FHIP1A: variants seen among roughly 807,000 people sequenced by gnomAD.
FHIP1A encodes the protein FHF complex subunit HOOK-interacting protein 1A.
Under a neutral mutation model 88.6 loss-of-function variants are expected in FHIP1A, and 61 were observed. The ratio of observed to expected loss-of-function variants is 0.69; its 90% confidence interval spans 0.56 to 0.85. The LOEUF (loss-of-function observed/expected upper bound fraction) is 0.85, where lower values mean the gene tolerates loss of function less well. Ranked by LOEUF, FHIP1A falls within the 40% of genes least tolerant of loss-of-function variation. FHIP1A has a pLI of 0.00. For synonymous variants in FHIP1A, 478 were observed against 496.0 expected, an observed-to-expected ratio of 0.96 and a Z score of 0.48; for missense variants, 1,154 against 1,273.5, an observed-to-expected ratio of 0.91 and a Z score of 1.43.
chr4:151,527,479 G>A (rs955951551), intron 3 of FHIP1A, among the ~76,000 whole-genome samples: 4 of 152,144 alleles, frequency 2.6e-5, no homozygotes. Context: ...CAGCAGTACC[G>A]TCCAGCTTCG....
chr4:151,561,134 G>C (rs920433854), intron 3 of FHIP1A, among the ~76,000 whole-genome samples: 1 of 152,138 alleles, frequency 6.6e-6, no homozygotes. Context: ...CTGTTTTGAA[G>C]CATGTATTTT....
At position 151,665,449 on chromosome 4, in the gene FHIP1A, G is replaced by A. The variant is rs182482766; in HGVS notation, c.*2695G>A. ...TCTGAATCCATTACAGTCCTCAGAG[G>A]TTTTTGTCCATGGTTTTGCAAAATG... On this transcript the variant is annotated 3_prime_UTR_variant, in exon 14 of 14. Coordinates refer to ENST00000435205, the MANE Select transcript of FHIP1A (RefSeq NM_001109977.3). Among the ~76,000 whole-genome samples the A allele has an allele frequency of 6.6e-6, 1 of 152,306 alleles. No individual in the cohort carries two copies. Among genetic ancestry groups the A allele is most frequent in the African/African-American group, 2.4e-5 (1 of 41,562 alleles).
At chr4:151,422,425 T>G (rs1201470728) in intron 1 of FHIP1A, among the ~76,000 whole-genome samples, 2 of 152,042 alleles carry the variant, frequency 1.3e-5, no homozygotes, top group East Asian at 3.9e-4. Flanking sequence ...CTTGCTCCAT[T>G]GTCCAGGCTG....
chr4:151,467,020 A>G (rs1729344066), intron 2 of FHIP1A, among the ~76,000 whole-genome samples: 1 of 152,258 alleles, frequency 6.6e-6, no homozygotes. Context: ...AGCAAAAGAA[A>G]CTAGCATCAG....
chr4:151,607,385 T>G (rs1735114972), intron 7 of FHIP1A, among the ~76,000 whole-genome samples: 1 of 152,224 alleles, frequency 6.6e-6, no homozygotes, highest in Non-Finnish European at 1.5e-5. Flanking sequence ...GAAAAAATCA[T>G]ATTAAGCAGG....
chr4:151,410,964 A>G (rs1490320329), intron 1 of FHIP1A, among the ~76,000 whole-genome samples: 1 of 152,318 alleles, frequency 6.6e-6, no homozygotes, highest in East Asian at 1.9e-4. Flanking sequence ...GTGGCTGGAA[A>G]GGGGCAGAGA....
At chr4:151,643,666 C>T (rs188878876) in intron 9 of FHIP1A, among the ~76,000 whole-genome samples, 43 of 152,254 alleles carry the variant, frequency 2.8e-4, no homozygotes, top group African/African-American at 1.0e-3. Flanking sequence ...GTAGCTCCCG[C>T]GTATGAGTGA....
chr4:151,506,534 C>T (rs7682837), intron 3 of FHIP1A, among the ~76,000 whole-genome samples: 76,704 of 151,800 alleles, frequency 0.51, 19,643 homozygotes, highest in Non-Finnish European at 0.55. Context: ...CTACTCATTG[C>T]GGAAGGTGAA....
intron 3 of FHIP1A, among the ~76,000 whole-genome samples, chr4:151,537,882 A>G (rs894683962): frequency 6.6e-6 from 1 of 152,168 alleles, no homozygotes; most frequent in African/African-American, 2.4e-5. Flanking sequence ...GAAATGTTGC[A>G]ATCCTGCTTC....
intron 3 of FHIP1A, among the ~76,000 whole-genome samples, chr4:151,558,669 C>T (rs1733052210): frequency 6.6e-6 from 1 of 152,196 alleles, no homozygotes; most frequent in Admixed American, 6.6e-5. Flanking sequence ...TAGTGAGCTA[C>T]ATTTACTTTG....
rs192416631 is a variant in FHIP1A at position 151,474,101 on chromosome 4, A to G, written c.-247-8423A>G. On this transcript the variant is annotated intron_variant, in intron 2 of 13. Transcript: ENST00000435205. ...CTTTGAATAGAAGCCAATGAGGAGA[A>G]GTATTTAGAAGGTTATGAGCAATAA... 3.1e-4 allele frequency among the ~76,000 whole-genome samples: 47 copies of G among 152,340 alleles called. No homozygotes were observed. In the East Asian group the frequency reaches 5.8e-3, roughly 19 times the overall value.
intron 1 of FHIP1A, among the ~76,000 whole-genome samples, chr4:151,452,956 A>ACACACC (rs1491484661): frequency 3.8e-5 from 3 of 79,386 alleles, no homozygotes; most frequent in Admixed American, 2.1e-4. Context: ...ATATATACAT[A>ACACACC]CACACACACA....
intron 3 of FHIP1A, among the ~76,000 whole-genome samples, chr4:151,553,658 A>G (rs1363809264): frequency 6.6e-6 from 1 of 152,208 alleles, no homozygotes; most frequent in African/African-American, 2.4e-5. Flanking sequence ...CGAAGTTTCT[A>G]GACTGTTTGA....
chr4:151,519,877 C>A (rs765208064), intron 3 of FHIP1A, among the ~76,000 whole-genome samples: 2 of 152,102 alleles, frequency 1.3e-5, no homozygotes, highest in Non-Finnish European at 2.9e-5. Context: ...GAGCCTATTT[C>A]AAGCACTTAG....
At chr4:151,555,301 G>T (rs1356001785) in intron 3 of FHIP1A, among the ~76,000 whole-genome samples, 5 of 152,066 alleles carry the variant, frequency 3.3e-5, no homozygotes, top group Admixed American at 1.3e-4. Flanking sequence ...CTTTTCTTGG[G>T]TAAGAACATT....
At chr4:151,630,477 AAG>A (rs1473476022) in intron 8 of FHIP1A, among the ~76,000 whole-genome samples, 1 of 152,188 alleles carries the variant, frequency 6.6e-6, no homozygotes, top group African/African-American at 2.4e-5. Flanking sequence ...TAATTGCACA[AAG>A]GGGGGAAGAG....
chr4:151,462,618 C>T (rs542069569), intron 2 of FHIP1A, among the ~76,000 whole-genome samples: 1 of 152,246 alleles, frequency 6.6e-6, no homozygotes, highest in Admixed American at 6.5e-5. Flanking sequence ...ATATTTCACT[C>T]ATGGGAATTC....
At chr4:151,487,132 G>C (rs973879008) in intron 3 of FHIP1A, among the ~76,000 whole-genome samples, 2 of 151,952 alleles carry the variant, frequency 1.3e-5, no homozygotes, top group African/African-American at 4.8e-5. Context: ...CACTATTCTA[G>C]GGAATGTCAC....
intron 3 of FHIP1A, among the ~76,000 whole-genome samples, chr4:151,507,106 G>T (rs11947054): frequency 0.35 from 53,242 of 151,798 alleles, 9,940 homozygotes; most frequent in Non-Finnish European, 0.43. Context: ...TATTTATGCT[G>T]TGAAAGCCTT....
Sources: allele counts gnomAD v4.1 joint callset (sites outside exome capture counted in the v4.1 genomes callset), GRCh38; gene constraint gnomAD v4.1.1; transcripts MANE v1.5; gene names NCBI Gene and HGNC (gene_info 2026-07-23, HGNC 2026-07-21).